Variants in DSCAM observed in about 807,000 individuals in gnomAD.
DSCAM encodes DS cell adhesion molecule.
DSCAM carries 47 observed loss-of-function variants against 217.7 expected under a neutral mutation model. That is an observed-to-expected ratio of 0.22 (90% CI 0.17 to 0.28). DSCAM has a LOEUF of 0.28. DSCAM is among the 10% of genes least tolerant of loss of function. The pLI is 1.00. For missense variants in DSCAM, 2,080 were observed against 2,618.3 expected, an observed-to-expected ratio of 0.79 and a Z score of 4.49; for synonymous variants, 1,056 against 1,015.3, an observed-to-expected ratio of 1.04 and a Z score of -0.76.
chr21:40,720,166 G>C (rs760692391), intron 1 of DSCAM, among the ~76,000 whole-genome samples: 2 of 152,158 alleles, frequency 1.3e-5, no homozygotes, highest in African/African-American at 2.4e-5. Context: ...ATGCCATTTG[G>C]GTTCAAGTTA....
At chr21:40,575,475 G>A (rs141682611) in intron 3 of DSCAM, among the ~76,000 whole-genome samples, 12 of 152,270 alleles carry the variant, frequency 7.9e-5, no homozygotes, top group African/African-American at 2.9e-4. Flanking sequence ...GAATAGAATA[G>A]AGATCTACAC....
chr21:40,843,790 C>CT lies in DSCAM; in HGVS notation c.43+2828dup, dbSNP rs56383167. Among the ~76,000 whole-genome samples the CT allele has an allele frequency of 6.3e-3, 751 of 118,922 alleles. 2 individuals are homozygous for CT. The highest frequency in any genetic ancestry group is 0.011 in the South Asian group (39 of 3,616). The allele number at this position is 118,922 out of a possible 152,430, so 78.0% of individuals were successfully genotyped here. On this transcript the variant is annotated intron_variant, in intron 1 of 32. Coordinates refer to ENST00000400454, the MANE Select transcript of DSCAM (RefSeq NM_001389.5). The stretch of plus-strand genomic sequence containing the variant: ...TGAAGGGCCTGGTCACTGACTTCTT[C>CT]TTTTTTTTTTTTTTTTTTTCAAAAA...
chr21:40,619,925 A>G (rs1332086090), intron 3 of DSCAM, among the ~76,000 whole-genome samples: 1 of 151,216 alleles, frequency 6.6e-6, no homozygotes, highest in East Asian at 1.9e-4. Context: ...ATCTAGTAGA[A>G]TGGCAAGAAA....
chr21:40,282,092 A>G (rs1245846891), intron 10 of DSCAM, among the ~76,000 whole-genome samples: 2 of 152,190 alleles, frequency 1.3e-5, no homozygotes, highest in Non-Finnish European at 2.9e-5. Flanking sequence ...TAGTGTGAGG[A>G]TAATAGATTT....
At chr21:40,682,665 AGGGGGAG>A (rs1568981575) in intron 3 of DSCAM, among the ~76,000 whole-genome samples, 2 of 25,764 alleles carry the variant, frequency 7.8e-5, no homozygotes, top group African/African-American at 1.3e-4. Context: ...AAGGGAGCGG[AGGGGGAG>A]GGGAGGGGAG....
chr21:40,340,255 G>A (rs1001907097), intron 6 of DSCAM, among the ~76,000 whole-genome samples: 5 of 152,040 alleles, frequency 3.3e-5, no homozygotes, highest in African/African-American at 9.7e-5. Flanking sequence ...CAGAACTATC[G>A]CAGGCAAACT....
intron 13 of DSCAM, 130 bp downstream of exon 13, chr21:40,187,761 A>G (rs2090910899): frequency 4.8e-6 from 4 of 834,176 alleles, no homozygotes; most frequent in Non-Finnish European, 8.0e-6. Flanking sequence ...GACATTATAC[A>G]TATTCAAAAT....
At chr21:40,555,792 T>C (rs1484429920) in intron 3 of DSCAM, among the ~76,000 whole-genome samples, 1 of 152,136 alleles carries the variant, frequency 6.6e-6, no homozygotes, top group East Asian at 1.9e-4. Context: ...ACCACCATGC[T>C]TGGCTAATAT....
intron 1 of DSCAM, among the ~76,000 whole-genome samples, chr21:40,709,088 T>G (rs994422901): frequency 3.9e-5 from 6 of 152,162 alleles, no homozygotes; most frequent in Admixed American, 3.9e-4. Flanking sequence ...ACTGTATATA[T>G]TTTATATTCA....
At chr21:40,205,212 C>A (rs775380714) in intron 11 of DSCAM, among the ~76,000 whole-genome samples, 2 of 152,148 alleles carry the variant, frequency 1.3e-5, no homozygotes, top group Non-Finnish European at 2.9e-5. Context: ...GAAGCAGAAA[C>A]CTGCTAGAAG....
intron 11 of DSCAM, among the ~76,000 whole-genome samples, chr21:40,244,278 C>T (rs1438498256): frequency 2.0e-5 from 3 of 152,008 alleles, no homozygotes; most frequent in African/African-American, 4.8e-5. Context: ...TGGAGAAACC[C>T]CATCTCTACT....
At chr21:40,600,946 T>C (rs541131142) in intron 3 of DSCAM, among the ~76,000 whole-genome samples, 2 of 152,326 alleles carry the variant, frequency 1.3e-5, no homozygotes, top group East Asian at 3.9e-4. Context: ...TTACCAAAAG[T>C]CTTGAAGTCA....
intron 3 of DSCAM, among the ~76,000 whole-genome samples, chr21:40,410,900 T>A (rs1375364623): frequency 1.3e-5 from 2 of 152,012 alleles, no homozygotes; most frequent in Admixed American, 1.3e-4. Context: ...TCAGAAAAAA[T>A]TCAACCGATG....
At chr21:40,015,588 C>G (rs2088143714) in intron 32 of DSCAM, among the ~76,000 whole-genome samples, 2 of 152,210 alleles carry the variant, frequency 1.3e-5, no homozygotes, top group South Asian at 4.2e-4. Context: ...TACCACCATG[C>G]CTGGCTAATT....
intron 10 of DSCAM, among the ~76,000 whole-genome samples, chr21:40,277,825 C>T (rs1194134017): frequency 8.4e-5 from 12 of 142,544 alleles, no homozygotes; most frequent in Non-Finnish European, 1.5e-4. Flanking sequence ...GCTGAGATCA[C>T]GGCGCTGCAC....
At chr21:40,068,014 C>A (rs1000681331) in intron 27 of DSCAM, among the ~76,000 whole-genome samples, 3 of 151,968 alleles carry the variant, frequency 2.0e-5, no homozygotes, top group South Asian at 4.1e-4. Flanking sequence ...TCAGACTTCG[C>A]GACATCTTTT....
At chr21:40,584,145 C>CAG (rs1363569001) in intron 3 of DSCAM, among the ~76,000 whole-genome samples, 1 of 152,116 alleles carries the variant, frequency 6.6e-6, no homozygotes, top group Non-Finnish European at 1.5e-5. Flanking sequence ...AAAAGAAGCA[C>CAG]AGAGAAGCTG....
intron 11 of DSCAM, among the ~76,000 whole-genome samples, chr21:40,207,676 CAGAA>C (rs2091140990): frequency 6.6e-6 from 1 of 152,136 alleles, no homozygotes; most frequent in Non-Finnish European, 1.5e-5. Context: ...TGTAAAGTCT[CAGAA>C]AGATAGATCT....
chr21:40,314,280 A>G (rs1189161070), intron 8 of DSCAM, among the ~76,000 whole-genome samples: 1 of 152,224 alleles, frequency 6.6e-6, no homozygotes, highest in Non-Finnish European at 1.5e-5. Flanking sequence ...AGGTCGAAGA[A>G]GTAGGTAGCT....
Sources: allele counts gnomAD v4.1 joint callset (sites outside exome capture counted in the v4.1 genomes callset), GRCh38; gene constraint gnomAD v4.1.1; transcripts MANE v1.5; gene names NCBI Gene and HGNC (gene_info 2026-07-23, HGNC 2026-07-21).